GPHN: variants seen among roughly 807,000 people sequenced by gnomAD.
GPHN encodes the protein gephyrin.
In GPHN, 17 loss-of-function variants were observed where a neutral mutation model predicts 95.5. The ratio of observed to expected loss-of-function variants is 0.18; its 90% CI spans 0.12 to 0.27. The LOEUF (loss-of-function observed/expected upper bound fraction) is 0.27. Among genes scored for constraint, GPHN ranks in the 10% least tolerant of loss-of-function variants. GPHN has a pLI of 1.00. For missense variants in GPHN, 660 were observed against 978.1 expected (o/e 0.67, Z 4.34); for synonymous variants, 320 against 322.5 (o/e 0.99, Z 0.08).
At chr14:67,108,714 T>G (rs563232513) in intron 13 of GPHN, among the ~76,000 whole-genome samples, 94 of 119,608 alleles carry the variant, frequency 7.9e-4, no homozygotes, top group African/African-American at 2.3e-3. Context: ...CCCTAAGGGG[T>G]GTGTGTGTGT....
chr14:67,100,813 G>C (rs1385758138), intron 12 of GPHN, 43 bp from the exon 13 acceptor site: 3 of 1,290,876 alleles, frequency 2.3e-6, no homozygotes, highest in Non-Finnish European at 3.4e-6. Flanking sequence ...CCATGCTGTA[G>C]GTCCATACTG....
At chr14:67,596,854 T>C in the GPHN span, among the ~76,000 whole-genome samples, 1 of 152,254 alleles carries the variant, frequency 6.6e-6, no homozygotes, top group Admixed American at 6.5e-5. Flanking sequence ...CACTTGTCCA[T>C]GCTATATTCG....
At chr14:67,007,779 C>G (rs1484616196) in intron 9 of GPHN, among the ~76,000 whole-genome samples, 1 of 152,090 alleles carries the variant, frequency 6.6e-6, no homozygotes. Context: ...CTAGAGTTAT[C>G]TACCTGGCCT....
At chr14:67,166,335 C>T (rs921302663) in intron 20 of GPHN, among the ~76,000 whole-genome samples, 1 of 152,112 alleles carries the variant, frequency 6.6e-6, no homozygotes, top group African/African-American at 2.4e-5. Flanking sequence ...AAATGTGCTC[C>T]TTTTCCTAGC....
At chr14:67,483,285 A>G in the GPHN span, among the ~76,000 whole-genome samples, 10 of 152,326 alleles carry the variant, frequency 6.6e-5, no homozygotes, top group Middle Eastern at 3.4e-3. Context: ...TGCTGGGATT[A>G]TAGGCACGAG....
the GPHN span, chr14:67,576,276 T>C: frequency 7.8e-6 from 5 of 642,456 alleles, no homozygotes; most frequent in Non-Finnish European, 1.1e-5. The surrounding 1 kb of genome is among the most constrained non-coding windows in gnomAD (Gnocchi z 4.0). Flanking sequence ...CCCTGACTCA[T>C]GCCAACCAAA....
chr14:66,930,743 C>G (rs2066745848), intron 8 of GPHN, among the ~76,000 whole-genome samples: 1 of 152,112 alleles, frequency 6.6e-6, no homozygotes, highest in Non-Finnish European at 1.5e-5. Flanking sequence ...CCAGGCTTGT[C>G]TCAAACTCCT....
At chr14:66,723,911 C>T (rs1401525697) in intron 2 of GPHN, among the ~76,000 whole-genome samples, 1 of 150,770 alleles carries the variant, frequency 6.6e-6, no homozygotes, top group African/African-American at 2.4e-5. Flanking sequence ...TTCTTTACAT[C>T]AATTAAATGG....
chr14:66,678,601 AT>A (rs200584246), intron 1 of GPHN, among the ~76,000 whole-genome samples: 2,024 of 150,808 alleles, frequency 0.013, 21 homozygotes, highest in Middle Eastern at 0.021. Context: ...GGGCTCTGTT[AT>A]TGGAGAATTA....
At chr14:67,306,955 G>A in the GPHN span, among the ~76,000 whole-genome samples, 1 of 152,304 alleles carries the variant, frequency 6.6e-6, no homozygotes, top group East Asian at 1.9e-4. Flanking sequence ...TATGTTTTGT[G>A]ATGTTAGAAA....
intron 2 of GPHN, among the ~76,000 whole-genome samples, chr14:66,756,601 A>G (rs1054359764): frequency 6.6e-6 from 1 of 152,218 alleles, no homozygotes; most frequent in Non-Finnish European, 1.5e-5. Flanking sequence ...CCAAGAACAC[A>G]TAAGTTTTTA....
chr14:67,379,856 G>A, the GPHN span, among the ~76,000 whole-genome samples: 1 of 151,358 alleles, frequency 6.6e-6, no homozygotes, highest in Non-Finnish European at 1.5e-5. Flanking sequence ...AGGTTTCACC[G>A]TTTTAGCCGG....
intron 10 of GPHN, among the ~76,000 whole-genome samples, chr14:67,044,783 CTCTG>C (rs1210962553): frequency 3.6e-4 from 55 of 151,844 alleles, no homozygotes; most frequent in South Asian, 6.3e-4. Flanking sequence ...CTGTCTCTCT[CTCTG>C]TCTTTCTCTC....
the GPHN span, among the ~76,000 whole-genome samples, chr14:67,244,937 AAGAG>A: frequency 1.1e-4 from 16 of 152,276 alleles, no homozygotes; most frequent in African/African-American, 3.8e-4. Flanking sequence ...TAAAAAAGGA[AAGAG>A]AGAGGCAGAA....
rs2059562188 is a variant in GPHN, at chr14:66,780,381, G to A, written c.201+3860G>A. On this transcript the variant is annotated intron_variant, in intron 3 of 22. Transcript: ENST00000478722. ...GGAATCTCACGGAAAAGTTATATGA[G>A]GTATTAAAATTGGGCTGAAGATGTA... 2.0e-5 allele frequency among the ~76,000 whole-genome samples: 3 copies of A among 152,104 alleles called. No homozygotes were observed. The South Asian group carries it at 6.2e-4, about 32-fold the overall frequency.
At chr14:66,617,855 A>G (rs1015303872) in intron 1 of GPHN, among the ~76,000 whole-genome samples, 2 of 152,178 alleles carry the variant, frequency 1.3e-5, no homozygotes, top group Admixed American at 6.5e-5. Flanking sequence ...ATTCATTTCA[A>G]TCACTTAGCT....
intron 21 of GPHN, among the ~76,000 whole-genome samples, chr14:67,174,610 T>A (rs1000527507): frequency 6.6e-6 from 1 of 152,218 alleles, no homozygotes; most frequent in Admixed American, 6.5e-5. Flanking sequence ...ATGGGATGGC[T>A]GGGTCAAATG....
At chr14:67,527,197 G>A in the GPHN span, among the ~76,000 whole-genome samples, 103 of 152,336 alleles carry the variant, frequency 6.8e-4, no homozygotes, top group Middle Eastern at 6.8e-3. Flanking sequence ...TTTAGAGTCA[G>A]GCAGGGCAGG....
At chr14:66,917,217 C>A (rs1364303662) in intron 6 of GPHN, among the ~76,000 whole-genome samples, 1 of 152,066 alleles carries the variant, frequency 6.6e-6, no homozygotes, top group African/African-American at 2.4e-5. Context: ...ATACACTTAG[C>A]CATAACCTAA....
Sources: gnomAD v4.1 joint callset for allele counts (sites outside exome capture counted in the v4.1 genomes callset) on GRCh38, gnomAD v4.1.1 for gene constraint, Gnocchi (gnomAD v3.1) non-coding constraint, MANE v1.5 for transcripts, NCBI Gene and HGNC (gene_info 2026-07-23, HGNC 2026-07-21) for gene names.